The following TMEM131 variants were observed in gnomAD, a reference collection of about 807,000 sequenced individuals.
TMEM131 encodes the protein 2610524E03Rik.
Under a neutral mutation model 211.6 loss-of-function variants are expected in TMEM131, and 66 were observed. The ratio of observed to expected loss-of-function variants is 0.31; its 90% CI spans 0.26 to 0.38. The LOEUF (loss-of-function observed/expected upper bound fraction) is 0.38. Among genes scored for constraint, TMEM131 ranks in the 10% least tolerant of loss-of-function variants. TMEM131 has a pLI of 1.00. For synonymous variants in TMEM131, 844 were observed against 841.3 expected (o/e 1.00, Z -0.06); for missense variants, 2,036 against 2,299.3 (o/e 0.89, Z 2.34).
chr2:97,771,759 G>C (rs565350790), intron 33 of TMEM131, among the ~76,000 whole-genome samples: 2 of 152,352 alleles, frequency 1.3e-5, no homozygotes, highest in African/African-American at 4.8e-5. Context: ...GCCCTCCCCG[G>C]GGGCCACTGA....
rs539098661 is a variant in TMEM131, at chr2:97,827,441, T to A, written c.1074+5924A>T. 4.0e-5 allele frequency: 42 copies of A among 1,043,086 alleles called. 1 individual carries two copies. In the South Asian group the frequency reaches 4.7e-4, roughly 12 times the overall value. The allele number at this position is 1,043,086 out of a possible 1,614,324, so 64.6% of individuals were successfully genotyped here. ...GGAGCAAAGGGAAAACAGGCCGAAG[T>A]GGCTAACCAAGAAACTAAAGAAGAT... is the stretch of plus-strand genomic sequence containing the variant. On this transcript the variant is annotated intron_variant, in intron 11 of 40. Coordinates refer to ENST00000186436, the MANE Select transcript of TMEM131 (RefSeq NM_015348.2).
At position 97,841,955 on chromosome 2, in the gene TMEM131, A is replaced by G; in HGVS notation, c.601-18T>C. 6.6e-7 allele frequency: 1 copy of G among 1,503,980 alleles called. No individual in the cohort carries two copies. The highest frequency in any genetic ancestry group is 1.3e-5 in the South Asian group (1 of 74,886). The allele number at this position is 1,503,980 out of a possible 1,614,324, so 93.2% of individuals were successfully genotyped here. Reference sequence around the variant, plus strand: ...CCAAATACCTGTTTCAGTGGAGGAAAAAAATGCAATTTTAGTTGCTTTTAT... The same window carrying G: ...CCAAATACCTGTTTCAGTGGAGGAAGAAAATGCAATTTTAGTTGCTTTTAT... On this transcript the variant is annotated intron_variant, in intron 6 of 40. Transcript: ENST00000186436.
chr2:97,953,606 C>G (rs756720465), intron 1 of TMEM131, among the ~76,000 whole-genome samples: 1 of 152,120 alleles, frequency 6.6e-6, no homozygotes, highest in Admixed American at 6.5e-5. Context: ...ACTGGTAGAA[C>G]TAAAAGAAAA....
At chr2:97,944,596 A>C (rs1232487570) in intron 1 of TMEM131, among the ~76,000 whole-genome samples, 1 of 152,224 alleles carries the variant, frequency 6.6e-6, no homozygotes, top group Non-Finnish European at 1.5e-5. Flanking sequence ...AGAGAATATA[A>C]AAAGAACTCT....
chr2:97,972,938 C>T (rs1236200621), intron 1 of TMEM131, among the ~76,000 whole-genome samples: 2 of 152,160 alleles, frequency 1.3e-5, no homozygotes, highest in East Asian at 1.9e-4. Context: ...TACAGTCCTA[C>T]AAACACATAT....
chr2:97,796,069 A>C (rs1402527791), intron 28 of TMEM131, 149 bp downstream of exon 28: 2 of 494,452 alleles, frequency 4.0e-6, no homozygotes, highest in African/African-American at 4.0e-5. Context: ...AAACTAAGAT[A>C]TGAAGAAATA....
At chr2:97,787,490 T>C (rs974351742) in intron 31 of TMEM131, among the ~76,000 whole-genome samples, 3 of 152,210 alleles carry the variant, frequency 2.0e-5, no homozygotes, top group African/African-American at 7.2e-5. Flanking sequence ...TTCCCCAGGC[T>C]TCAGGGGTGC....
chr2:97,786,841 A>G (rs1654870996), intron 31 of TMEM131, among the ~76,000 whole-genome samples: 1 of 152,228 alleles, frequency 6.6e-6, no homozygotes, highest in African/African-American at 2.4e-5. Flanking sequence ...CAGAGCCACG[A>G]TATCCGTTCT....
chr2:97,784,913 T>C (rs1680179595), intron 31 of TMEM131, among the ~76,000 whole-genome samples: 1 of 151,990 alleles, frequency 6.6e-6, no homozygotes, highest in Non-Finnish European at 1.5e-5. Flanking sequence ...AAATTACCAA[T>C]ATCAGAAACA....
chr2:97,915,291 A>G (rs893248870), intron 2 of TMEM131, among the ~76,000 whole-genome samples: 4 of 152,084 alleles, frequency 2.6e-5, no homozygotes, highest in Non-Finnish European at 5.9e-5. Flanking sequence ...TTATCTTTAC[A>G]TCTTCACATG....
chr2:97,935,144 T>C (rs1489328640), intron 1 of TMEM131, among the ~76,000 whole-genome samples: 1 of 152,160 alleles, frequency 6.6e-6, no homozygotes, highest in Non-Finnish European at 1.5e-5. Context: ...ATCTAGGCTA[T>C]ATAAAGAACT....
rs765605486 is a variant in TMEM131 at position 97,814,262 on chromosome 2, T to C, written c.1419A>G (p.Leu473=). ...TAAACATTGTTTTGGCTTCTTCTGG[T>C]AGCAACACATCGTGAATGAGGATCG... ...SFAILIHDVL[L]PEEAKTMFKV... The change falls in exon 14 of 41, where the codon CTA becomes CTG. Residue 473 remains leucine (L), a synonymous_variant. Coordinates refer to ENST00000186436, the MANE Select transcript of TMEM131 (RefSeq NM_015348.2). 6.2e-7 allele frequency: 1 copy of C among 1,613,858 alleles called. No individual in the cohort carries two copies. The highest frequency in any genetic ancestry group is 8.5e-7 in the Non-Finnish European group (1 of 1,179,848).
chr2:97,903,152 T>C (rs1675927614), intron 3 of TMEM131, among the ~76,000 whole-genome samples: 1 of 152,096 alleles, frequency 6.6e-6, no homozygotes, highest in African/African-American at 2.4e-5. Flanking sequence ...TTTCAAGAAA[T>C]AGGTTGTTCC....
intron 40 of TMEM131, among the ~76,000 whole-genome samples, chr2:97,757,908 G>A (rs566912805): frequency 2.6e-5 from 4 of 152,136 alleles, no homozygotes; most frequent in East Asian, 1.9e-4. Context: ...CGACGTGGGC[G>A]GATCACGAGG....
intron 1 of TMEM131, among the ~76,000 whole-genome samples, chr2:97,983,109 C>G (rs1420787126): frequency 6.6e-6 from 1 of 152,208 alleles, no homozygotes; most frequent in Non-Finnish European, 1.5e-5. Context: ...TCACTAGAAG[C>G]AGGGAGCCCT....
chr2:97,830,990 A>G (rs1682654565), intron 11 of TMEM131, among the ~76,000 whole-genome samples: 2 of 152,236 alleles, frequency 1.3e-5, no homozygotes, highest in Non-Finnish European at 2.9e-5. Flanking sequence ...AAGCCTGGTG[A>G]ATTATGCAGA....
At chr2:97,981,711 A>G (rs1428105986) in intron 1 of TMEM131, among the ~76,000 whole-genome samples, 1 of 151,852 alleles carries the variant, frequency 6.6e-6, no homozygotes. Context: ...CACTCCCTAC[A>G]CTGCTCTCCA....
chr2:97,952,884 TAAAACAAAAAC>T (rs1678387735), intron 1 of TMEM131, among the ~76,000 whole-genome samples: 1 of 151,956 alleles, frequency 6.6e-6, no homozygotes, highest in Non-Finnish European at 1.5e-5. Flanking sequence ...CCTGTCTCAT[TAAAACAAAAAC>T]AAAACAAACA....
intron 11 of TMEM131, among the ~76,000 whole-genome samples, chr2:97,829,967 G>T (rs1211718490): frequency 6.6e-6 from 1 of 151,976 alleles, no homozygotes; most frequent in East Asian, 1.9e-4. Flanking sequence ...AATAGTTGAT[G>T]AAATTTTTTT....
Sources: allele counts gnomAD v4.1 joint callset (sites outside exome capture counted in the v4.1 genomes callset), GRCh38; gene constraint gnomAD v4.1.1; transcripts MANE v1.5; gene names NCBI Gene and HGNC (gene_info 2026-07-23, HGNC 2026-07-21).